SEC22C: variants seen among roughly 807,000 people sequenced by gnomAD.
The protein encoded by SEC22C is vesicle-trafficking protein SEC22c.
Under a neutral mutation model 34.7 loss-of-function variants are expected in SEC22C, and 29 were observed. The observed-to-expected ratio is 0.84, with a 90% CI of 0.62 to 1.14. The LOEUF is 1.14. Among genes scored for constraint, SEC22C ranks in the 50% most tolerant of loss-of-function variants. The pLI is 0.00. For synonymous variants in SEC22C, 117 were observed against 132.8 expected (o/e 0.88, Z 0.82); for missense variants, 337 against 369.0 (o/e 0.91, Z 0.71).
chr3:42,577,870 T>C (rs1382391528), intron 1 of SEC22C, among the ~76,000 whole-genome samples: 1 of 152,048 alleles, frequency 6.6e-6, no homozygotes, highest in Non-Finnish European at 1.5e-5. Flanking sequence ...CTTGGGAGGC[T>C]GAGGCAGGAG....
intron 5 of SEC22C, 43 bp from the exon 6 acceptor site, chr3:42,556,038 G>T (rs759308014): frequency 4.1e-6 from 6 of 1,471,758 alleles, no homozygotes; most frequent in African/African-American, 2.8e-5. Context: ...ATATTTAGAT[G>T]AAAGGAAACA....
intron 1 of SEC22C, among the ~76,000 whole-genome samples, chr3:42,599,664 C>G (rs550150965): frequency 6.6e-6 from 1 of 151,306 alleles, no homozygotes; most frequent in Non-Finnish European, 1.5e-5. Flanking sequence ...TGCACTCCAG[C>G]CTGGGCGACA....
chr3:42,551,489 G>T lies in SEC22C; in HGVS notation c.*1759C>A. On this transcript the variant is annotated 3_prime_UTR_variant, in exon 7 of 7. Coordinates refer to ENST00000264454, the MANE Select transcript of SEC22C (RefSeq NM_032970.4). ...CCCAAAGTGCTGGGATTACAGGCAT[G>T]TGCCATCACATCCGGCTAATTTTTT... The T allele has an allele frequency of 6.1e-6, 3 of 490,388 alleles. No individual in the cohort carries two copies. The highest frequency in any genetic ancestry group is 7.9e-6 in the Non-Finnish European group (3 of 377,806). 30.4% of individuals were successfully genotyped at this position (490,388 alleles called of 1,614,324 possible).
chr3:42,569,348 G>T (rs1282651903), intron 1 of SEC22C, among the ~76,000 whole-genome samples: 3 of 152,120 alleles, frequency 2.0e-5, no homozygotes, highest in Non-Finnish European at 4.4e-5. Context: ...GGGATGATGG[G>T]GAAAGGAATA....
intron 1 of SEC22C, among the ~76,000 whole-genome samples, chr3:42,588,169 C>T (rs184486027): frequency 2.0e-5 from 3 of 151,148 alleles, no homozygotes; most frequent in Non-Finnish European, 4.4e-5. Context: ...TTTGGGAGGC[C>T]GAGGCAGACA....
At chr3:42,560,424 A>T (rs1702829075) in intron 4 of SEC22C, among the ~76,000 whole-genome samples, 1 of 150,834 alleles carries the variant, frequency 6.6e-6, no homozygotes, top group African/African-American at 2.4e-5. Flanking sequence ...TAATCCCAGC[A>T]CTCTGAAAGG....
At chr3:42,571,606 A>G (rs907956945) in intron 1 of SEC22C, among the ~76,000 whole-genome samples, 1 of 152,222 alleles carries the variant, frequency 6.6e-6, no homozygotes, top group Middle Eastern at 3.2e-3. Context: ...TAAAAGATGG[A>G]AAAATAATAA....
chr3:42,598,823 G>A (rs1705126146), intron 1 of SEC22C, among the ~76,000 whole-genome samples: 1 of 151,306 alleles, frequency 6.6e-6, no homozygotes, highest in Admixed American at 6.6e-5. Flanking sequence ...GGGAGGTACT[G>A]AGGGTTGTAC....
chr3:42,580,199 T>C (rs1704238180), intron 1 of SEC22C, among the ~76,000 whole-genome samples: 1 of 151,844 alleles, frequency 6.6e-6, no homozygotes, highest in Non-Finnish European at 1.5e-5. Context: ...TAACCCCTCC[T>C]CAAGCCCCTA....
chr3:42,555,179 A>T (rs1047531531), intron 6 of SEC22C, among the ~76,000 whole-genome samples: 1 of 152,040 alleles, frequency 6.6e-6, no homozygotes, highest in African/African-American at 2.4e-5. Flanking sequence ...CCCCGTCTCT[A>T]CTAAAAGTAC....
At chr3:42,600,319 A>C (rs1192179000) in intron 1 of SEC22C, 1 of 152,024 alleles carries the variant, frequency 6.6e-6, no homozygotes, top group Non-Finnish European at 1.5e-5. Flanking sequence ...GCTAACGAAA[A>C]CTCAAAGCCT....
chr3:42,583,417 G>A (rs1173635800), upstream of SEC22C, among the ~76,000 whole-genome samples: 1 of 152,196 alleles, frequency 6.6e-6, no homozygotes, highest in Non-Finnish European at 1.5e-5. Flanking sequence ...TGATGCCACT[G>A]TTCAGCCTTG....
At chr3:42,560,454 G>A (rs1003363835) in intron 4 of SEC22C, among the ~76,000 whole-genome samples, 1 of 150,756 alleles carries the variant, frequency 6.6e-6, no homozygotes. Context: ...GAGGATGATG[G>A]CTTGAGCCCA....
chr3:42,581,323 C>A (rs956091772), intron 1 of SEC22C: 1 of 152,162 alleles, frequency 6.6e-6, no homozygotes, highest in Non-Finnish European at 1.5e-5. Flanking sequence ...TAATTTTTCC[C>A]CGAGTGCTTT....
At chr3:42,562,762 T>G (rs938243863) in intron 3 of SEC22C, among the ~76,000 whole-genome samples, 3 of 152,124 alleles carry the variant, frequency 2.0e-5, no homozygotes, top group Non-Finnish European at 2.9e-5. Context: ...CTGACCAAAA[T>G]AGGGCACACA....
intron 2 of SEC22C, chr3:42,564,369 G>A (rs1703105601): frequency 6.4e-6 from 1 of 155,804 alleles, no homozygotes; most frequent in South Asian, 2.0e-4. Flanking sequence ...GTCTCCTCTT[G>A]TGTTTTGTCC....
rs542750103 is a variant in SEC22C, at chr3:42,594,406, G to GT, written c.-28+6553dup. 121 of 1,603,950 alleles carry GT rather than the reference G, an allele frequency of 7.5e-5. No homozygotes were observed. The South Asian group carries it at 7.8e-4, about 10-fold the overall frequency. On this transcript the variant is annotated intron_variant, in intron 1 of 6. Transcript: ENST00000417572. ...AAAAACAAGCCTCTGATTTTTGCCT[G>GT]TTTTTTTGCCCATAGGTACCAGCAT...
At position 42,564,750 on chromosome 3, in the gene SEC22C, A is replaced by G. The variant is rs532440230; in HGVS notation, c.183-1064T>C. The stretch of plus-strand genomic sequence containing the variant: ...GCCTGACAAGAACTTTCCTTTATGC[A>G]AGAGTGTTTTGTTTTGTTTTGTTTT... On this transcript the variant is annotated intron_variant, in intron 2 of 6. Transcript: ENST00000264454. Among the ~76,000 whole-genome samples, 11 of 152,086 alleles carry G rather than the reference A, an allele frequency of 7.2e-5. No individual in the cohort carries two copies. The South Asian group carries it at 1.5e-3, about 20-fold the overall frequency.
At chr3:42,593,900 A>G (rs2125742079) in intron 1 of SEC22C, among the ~76,000 whole-genome samples, 1 of 152,284 alleles carries the variant, frequency 6.6e-6, no homozygotes, top group South Asian at 2.1e-4. Flanking sequence ...GCCCCCTAGT[A>G]GGAGTGTGCC....
Sources: allele counts gnomAD v4.1 joint callset (sites outside exome capture counted in the v4.1 genomes callset), GRCh38; gene constraint gnomAD v4.1.1; transcripts MANE v1.5; gene names NCBI Gene and HGNC (gene_info 2026-07-23, HGNC 2026-07-21).